The following ATP6V0A1 variants were observed in gnomAD, a reference collection of about 807,000 sequenced individuals.
The protein encoded by ATP6V0A1 is ATPase H+ transporting V0 subunit a1, also known as V-type proton ATPase 116 kDa subunit a 1.
ATP6V0A1 carries 43 observed loss-of-function variants against 105.4 expected under a neutral mutation model. That is an observed-to-expected ratio of 0.41 (90% CI 0.32 to 0.53). ATP6V0A1 has a LOEUF of 0.53. ATP6V0A1 is among the 20% of genes least tolerant of loss of function. The pLI is 0.30. For missense variants in ATP6V0A1, 676 were observed against 1,051.1 expected (o/e 0.64, Z 4.93); for synonymous variants, 362 against 372.8 (o/e 0.97, Z 0.33).
intron 11 of ATP6V0A1, 41 bp downstream of exon 11, chr17:42,490,678 T>A (rs376930636): frequency 4.5e-5 from 70 of 1,556,988 alleles, no homozygotes; most frequent in East Asian, 2.0e-4. Context: ...AGAGTTTTTT[T>A]TGTTTGTTTG....
intron 3 of ATP6V0A1, 90 bp from the exon 4 acceptor site, chr17:42,467,920 C>A: frequency 1.7e-6 from 1 of 588,978 alleles, no homozygotes; most frequent in Non-Finnish European, 2.7e-6. Flanking sequence ...CTTTTTGTAA[C>A]CAGGTCTTAG....
At chr17:42,505,197 G>C (rs1243750737) in intron 17 of ATP6V0A1, among the ~76,000 whole-genome samples, 1 of 151,610 alleles carries the variant, frequency 6.6e-6, no homozygotes, top group Non-Finnish European at 1.5e-5. Context: ...CACTACGCCT[G>C]GCTAATTTTT....
At chr17:42,461,464 G>A (rs2086390283) in intron 2 of ATP6V0A1, among the ~76,000 whole-genome samples, 1 of 152,128 alleles carries the variant, frequency 6.6e-6, no homozygotes. Context: ...GGCACTTGGA[G>A]AAGCTATCTA....
At chr17:42,491,388 G>A (rs941090284) in intron 11 of ATP6V0A1, among the ~76,000 whole-genome samples, 36 of 152,102 alleles carry the variant, frequency 2.4e-4, no homozygotes, top group Admixed American at 7.2e-4. Context: ...TTGGCTCACC[G>A]CAAGCTCTGC....
Position 42,500,886 on chromosome 17 carries a change from A to G in ATP6V0A1, c.1859A>G (p.Tyr620Cys). Residue 620 changes from tyrosine to cysteine, a missense_variant, in exon 16 of 22, where the codon TAC becomes TGC. Physicochemically the swap from Tyr to Cys is radical, Grantham distance 194 (BLOSUM62 -2). Transcript: ENST00000343619. ...TTCATAAACATGTTCCTCTTTTCCT[A>G]CCCAGAGTCTGGTTATTCAATGTTG... The part of the protein sequence containing the change: ...IHFINMFLFS[Y>C]PESGYSMLYS... The G allele has an allele frequency of 6.2e-7, 1 of 1,613,940 alleles. No individual in the cohort carries two copies.
At chr17:42,494,212 TGACA>T in intron 11 of ATP6V0A1, 118 bp from the exon 12 acceptor site, 1 of 979,766 alleles carries the variant, frequency 1.0e-6, no homozygotes, top group Non-Finnish European at 1.5e-6. Flanking sequence ...CATTGCTGGC[TGACA>T]GAGCAAGACT....
At chr17:42,497,300 CAAAAAAAAAA>C (rs1220778376) in intron 14 of ATP6V0A1, among the ~76,000 whole-genome samples, 1 of 57,554 alleles carries the variant, frequency 1.7e-5, no homozygotes, top group Non-Finnish European at 3.6e-5. Flanking sequence ...GACCCTGTCT[CAAAAAAAAAA>C]AAAAAAAAAA....
At chr17:42,494,980 ACAATGTGAGCTG>A in intron 12 of ATP6V0A1, 42 bp from the exon 13 acceptor site, 1 of 1,554,282 alleles carries the variant, frequency 6.4e-7, no homozygotes, top group South Asian at 1.1e-5. Context: ...TAACATTGTC[ACAATGTGAGCTG>A]CAGTGAGTAC....
intron 16 of ATP6V0A1, 100 bp downstream of exon 16, chr17:42,501,023 G>C: frequency 7.6e-7 from 1 of 1,314,774 alleles, no homozygotes; most frequent in Non-Finnish European, 1.1e-6. Context: ...CCTTCTATGG[G>C]ACAATTCTAG....
At chr17:42,460,634 G>T (rs1280392671) in intron 1 of ATP6V0A1, among the ~76,000 whole-genome samples, 6 of 152,200 alleles carry the variant, frequency 3.9e-5, no homozygotes, top group Admixed American at 3.9e-4. Context: ...GACTGGAATG[G>T]AAGTGACTTT....
chr17:42,501,369 C>A, intron 17 of ATP6V0A1, 65 bp downstream of exon 17: 1 of 1,142,354 alleles, frequency 8.8e-7, no homozygotes, highest in Non-Finnish European at 1.3e-6. Flanking sequence ...AGGCAATTCC[C>A]CAGTGGATAT....
intron 21 of ATP6V0A1, chr17:42,520,358 A>G (rs1346524700): frequency 2.2e-6 from 1 of 446,164 alleles, no homozygotes; most frequent in Non-Finnish European, 4.5e-6. Flanking sequence ...CCTCCCTGAG[A>G]GTGAAAGGGC....
chr17:42,485,255 G>A (rs1245008144), intron 9 of ATP6V0A1, among the ~76,000 whole-genome samples: 1 of 152,190 alleles, frequency 6.6e-6, no homozygotes, highest in African/African-American at 2.4e-5. Context: ...AGCAGAGAGA[G>A]AGAGTTTTAG....
In ATP6V0A1 at chr17:42,489,972, A is replaced by G. The variant is rs551568751; in HGVS notation, c.1024-515A>G. ...GAACTCCTAAGGAAGAAGGATTTTCACCAAAGATCTCCAATGTCAGGGGCG... is the reference window on the plus strand; with the variant it reads ...GAACTCCTAAGGAAGAAGGATTTTCGCCAAAGATCTCCAATGTCAGGGGCG... On this transcript the variant is annotated intron_variant, in intron 10 of 21. Coordinates refer to ENST00000343619, the MANE Select transcript of ATP6V0A1 (RefSeq NM_001130021.3). 3.9e-5 allele frequency among the ~76,000 whole-genome samples: 6 copies of G among 152,340 alleles called. No homozygotes were observed. The South Asian group carries it at 1.2e-3, about 32-fold the overall frequency.
intron 17 of ATP6V0A1, chr17:42,502,918 C>T (rs1026664946): frequency 6.6e-6 from 1 of 152,616 alleles, no homozygotes; most frequent in Non-Finnish European, 1.5e-5. Flanking sequence ...AAAGAGGTGG[C>T]AAACAGTGCA....
intron 10 of ATP6V0A1, among the ~76,000 whole-genome samples, chr17:42,488,825 C>G (rs1376775148): frequency 6.6e-6 from 1 of 151,170 alleles, no homozygotes; most frequent in Non-Finnish European, 1.5e-5. Flanking sequence ...CCAGCCTGGC[C>G]AACATGACAA....
chr17:42,514,048 T>G, intron 20 of ATP6V0A1, 70 bp downstream of exon 20: 1 of 1,494,082 alleles, frequency 6.7e-7, no homozygotes, highest in Non-Finnish European at 9.3e-7. Context: ...GTTGGGGGGC[T>G]TAAGTCAAAT....
intron 5 of ATP6V0A1, among the ~76,000 whole-genome samples, chr17:42,475,124 GCTTT>G (rs1210382179): frequency 3.9e-5 from 6 of 152,146 alleles, no homozygotes; most frequent in African/African-American, 9.7e-5. Flanking sequence ...CCATCCATCT[GCTTT>G]CTTTATTTTT....
intron 2 of ATP6V0A1, among the ~76,000 whole-genome samples, chr17:42,462,595 T>G (rs1598648012): frequency 6.6e-6 from 1 of 152,040 alleles, no homozygotes; most frequent in East Asian, 1.9e-4. Flanking sequence ...AATTTTTGTA[T>G]TTTTAGTAGA....
Sources: gnomAD v4.1 joint callset for allele counts (sites outside exome capture counted in the v4.1 genomes callset) on GRCh38, gnomAD v4.1.1 for gene constraint, MANE v1.5 for transcripts, NCBI Gene and HGNC (gene_info 2026-07-23, HGNC 2026-07-21) for gene names.